FAM13A: variants seen among roughly 807,000 people sequenced by gnomAD.
The protein encoded by FAM13A is family with sequence similarity 13 member A, also known as protein FAM13A.
In FAM13A, 76 loss-of-function variants were observed where a neutral mutation model predicts 129.6. The ratio of observed to expected loss-of-function variants is 0.59; its 90% CI spans 0.49 to 0.71. The LOEUF is 0.71. FAM13A is among the 30% of genes least tolerant of loss of function. The pLI is 0.00. For missense variants in FAM13A, 1,108 were observed against 1,249.3 expected (o/e 0.89, Z 1.70); for synonymous variants, 443 against 449.9 (o/e 0.98, Z 0.20).
intron 7 of FAM13A, among the ~76,000 whole-genome samples, chr4:88,838,590 G>T (rs1735235551): frequency 6.6e-6 from 1 of 152,108 alleles, no homozygotes; most frequent in Admixed American, 6.5e-5. Context: ...AGCCGGGCGT[G>T]GTGGCGGGCG....
chr4:88,959,434 C>T (rs1474580251), intron 4 of FAM13A, among the ~76,000 whole-genome samples: 1 of 152,172 alleles, frequency 6.6e-6, no homozygotes, highest in Admixed American at 6.5e-5. Context: ...TCTGAGTTCA[C>T]ATGAGATCTG....
chr4:88,843,939 T>G (rs1360172535), intron 7 of FAM13A, among the ~76,000 whole-genome samples: 3 of 152,128 alleles, frequency 2.0e-5, no homozygotes, highest in African/African-American at 7.2e-5. Context: ...TTCCCTTGGG[T>G]CAGTACTTTC....
At chr4:88,763,704 A>C (rs1010738413) in intron 13 of FAM13A, among the ~76,000 whole-genome samples, 2 of 152,218 alleles carry the variant, frequency 1.3e-5, no homozygotes, top group African/African-American at 4.8e-5. Flanking sequence ...TAAGTGGCCT[A>C]ATAGTTTATC....
intron 13 of FAM13A, among the ~76,000 whole-genome samples, chr4:88,762,417 C>T (rs1412821631): frequency 1.3e-5 from 2 of 152,210 alleles, no homozygotes; most frequent in African/African-American, 4.8e-5. Context: ...AAGCACAGCA[C>T]ACCCTAACTG....
At chr4:88,754,630 T>C (rs1183644092) in intron 14 of FAM13A, among the ~76,000 whole-genome samples, 2 of 152,214 alleles carry the variant, frequency 1.3e-5, no homozygotes, top group African/African-American at 2.4e-5. Context: ...GTAAGCCTCA[T>C]GGTGGAGGCT....
intron 19 of FAM13A, 61 bp downstream of exon 19, chr4:88,746,871 G>C: frequency 9.0e-7 from 1 of 1,107,934 alleles, no homozygotes; most frequent in Non-Finnish European, 1.4e-6. Flanking sequence ...ACTGAACATA[G>C]AAAATCCATT....
intron 6 of FAM13A, among the ~76,000 whole-genome samples, chr4:88,853,031 G>A (rs1412972698): frequency 1.3e-5 from 2 of 152,148 alleles, no homozygotes; most frequent in Non-Finnish European, 2.9e-5. Flanking sequence ...CTCAATAAAA[G>A]CTAGTTTTTA....
chr4:88,893,508 A>G (rs1023715058), intron 6 of FAM13A, among the ~76,000 whole-genome samples: 1 of 151,824 alleles, frequency 6.6e-6, no homozygotes, highest in Non-Finnish European at 1.5e-5. Context: ...CTGTAGTCCC[A>G]GCTACTCAGG....
chr4:88,749,959 G>A, intron 15 of FAM13A, 50 bp from the exon 16 acceptor site: 1 of 1,599,140 alleles, frequency 6.3e-7, no homozygotes, highest in Non-Finnish European at 8.5e-7. Flanking sequence ...GTCACTGCTT[G>A]CCTAGAGGGG....
chr4:88,932,548 A>G (rs1260454786), intron 5 of FAM13A, among the ~76,000 whole-genome samples: 1 of 152,200 alleles, frequency 6.6e-6, no homozygotes, highest in Admixed American at 6.5e-5. Context: ...GAAAAAAGTG[A>G]ATAAACATTT....
At chr4:89,040,092 A>C (rs1383896537) in intron 1 of FAM13A, among the ~76,000 whole-genome samples, 2 of 152,206 alleles carry the variant, frequency 1.3e-5, no homozygotes, top group African/African-American at 4.8e-5. Context: ...TCATGTAAGA[A>C]CTAATTTATT....
intron 7 of FAM13A, among the ~76,000 whole-genome samples, chr4:88,815,953 GT>G (rs906526777): frequency 6.7e-6 from 1 of 150,300 alleles, no homozygotes; most frequent in African/African-American, 2.4e-5. Flanking sequence ...GTTGCTATCT[GT>G]ACTAGGAATA....
At chr4:88,938,589 C>A (rs1276522854) in intron 4 of FAM13A, among the ~76,000 whole-genome samples, 1 of 152,138 alleles carries the variant, frequency 6.6e-6, no homozygotes, top group East Asian at 1.9e-4. Flanking sequence ...AATAGCCACA[C>A]AAATAATAGC....
At chr4:89,010,766 C>G (rs1025365861) in intron 3 of FAM13A, among the ~76,000 whole-genome samples, 1 of 152,134 alleles carries the variant, frequency 6.6e-6, no homozygotes, top group African/African-American at 2.4e-5. Context: ...GGTACAGACA[C>G]CAGGGTCAGG....
rs1406465916 is a variant in FAM13A at position 88,971,792 on chromosome 4, G to A, written c.605+19181C>T. Reference sequence around the variant, plus strand: ...TCTGAGTTGCTGAGATTACAGGCATGAGCCACCGCTCCTGGAACACTTCTA... The same window carrying A: ...TCTGAGTTGCTGAGATTACAGGCATAAGCCACCGCTCCTGGAACACTTCTA... On this transcript the variant is annotated intron_variant, in intron 4 of 23. Transcript: ENST00000264344. Among the ~76,000 whole-genome samples, 3 of 152,176 alleles carry A rather than the reference G, an allele frequency of 2.0e-5. 1 individual carries two copies. Among genetic ancestry groups the A allele is most frequent in the Admixed American group, 1.3e-4 (2 of 15,280 alleles).
At chr4:88,911,178 C>T (rs1373594136) in intron 5 of FAM13A, among the ~76,000 whole-genome samples, 1 of 152,140 alleles carries the variant, frequency 6.6e-6, no homozygotes, top group African/African-American at 2.4e-5. Flanking sequence ...CCTTTATGAT[C>T]CTTCGTTCTC....
At chr4:88,734,674 G>C (rs1023166961) in intron 21 of FAM13A, among the ~76,000 whole-genome samples, 11 of 152,152 alleles carry the variant, frequency 7.2e-5, no homozygotes, top group African/African-American at 2.4e-4. Flanking sequence ...TGGCTGTCAC[G>C]ACTGGTGAAG....
chr4:88,739,250 C>G (rs972848725), intron 19 of FAM13A, 125 bp from the exon 20 acceptor site: 17 of 664,902 alleles, frequency 2.6e-5, no homozygotes, highest in Non-Finnish European at 4.4e-5. Flanking sequence ...GTCTTACTAC[C>G]CTCACAGAAT....
chr4:88,964,451 C>G (rs895388992), intron 4 of FAM13A, among the ~76,000 whole-genome samples: 2 of 151,698 alleles, frequency 1.3e-5, no homozygotes, highest in African/African-American at 2.4e-5. Flanking sequence ...GAAAGACCTC[C>G]TAGAGGAGGT....
Sources: allele counts gnomAD v4.1 joint callset (sites outside exome capture counted in the v4.1 genomes callset), GRCh38; gene constraint gnomAD v4.1.1; transcripts MANE v1.5; gene names NCBI Gene and HGNC (gene_info 2026-07-23, HGNC 2026-07-21).